Variants in C9orf85 observed in about 807,000 individuals in gnomAD.
C9orf85 encodes the protein chromosome 9 open reading frame 85.
A neutral mutation model predicts 14.9 loss-of-function variants in C9orf85; 16 were observed. The observed-to-expected ratio is 1.08, with a 90% CI of 0.73 to 1.63. The LOEUF (loss-of-function observed/expected upper bound fraction) is 1.63, where lower values mean the gene tolerates loss of function less well. Ranked by LOEUF, C9orf85 falls within the 40% of genes most tolerant of loss-of-function variation. The pLI is 0.00. For missense variants in C9orf85, 172 were observed against 186.1 expected, an observed-to-expected ratio of 0.92 and a Z score of 0.44; for synonymous variants, 45 against 56.8, an observed-to-expected ratio of 0.79 and a Z score of 0.93.
chr9:71,937,727 G>A (rs1326620927), intron 1 of C9orf85, among the ~76,000 whole-genome samples: 1 of 152,108 alleles, frequency 6.6e-6, no homozygotes, highest in African/African-American at 2.4e-5. Context: ...TTAGCTCACA[G>A]TGCAGATCTA....
intron 1 of C9orf85, among the ~76,000 whole-genome samples, chr9:71,938,128 C>T (rs930892749): frequency 6.6e-6 from 1 of 152,010 alleles, no homozygotes; most frequent in East Asian, 1.9e-4. Flanking sequence ...GAGGATAGTA[C>T]ACATGCAAAT....
chr9:71,967,983 A>G (rs1008045231), intron 2 of C9orf85, among the ~76,000 whole-genome samples: 1 of 152,050 alleles, frequency 6.6e-6, no homozygotes, highest in Non-Finnish European at 1.5e-5. Flanking sequence ...ACATCTAATA[A>G]CATCATCATA....
chr9:71,925,445 A>G (rs1378876796), intron 1 of C9orf85, among the ~76,000 whole-genome samples: 2 of 152,172 alleles, frequency 1.3e-5, no homozygotes, highest in African/African-American at 2.4e-5. Context: ...CTTTTTCCCC[A>G]AATCTCAGTA....
At chr9:71,936,770 C>CTTTTT (rs71353543) in intron 1 of C9orf85, among the ~76,000 whole-genome samples, 1 of 89,178 alleles carries the variant, frequency 1.1e-5, no homozygotes, top group African/African-American at 3.9e-5. Context: ...TTTGTTCAAG[C>CTTTTT]TTTTTTTTTT....
rs536474701 is a variant in C9orf85 at position 71,914,329 on chromosome 9, T to A, written c.102+2493T>A. Among the ~76,000 whole-genome samples, 1,175 of 142,604 alleles carry A rather than the reference T, an allele frequency of 8.2e-3. 12 individuals carry two copies. The highest frequency in any genetic ancestry group is 0.026 in the African/African-American group (950 of 36,776). The allele number at this position is 142,604 out of a possible 152,430, so 93.6% of individuals were successfully genotyped here. On this transcript the variant is annotated intron_variant, in intron 1 of 3. Transcript: ENST00000334731. ...AAAACATTATGAGATTTTTTTGTGA[T>A]TTTTTTTTTTTTAAGCTCATCAGTT...
intron 2 of C9orf85, among the ~76,000 whole-genome samples, chr9:71,949,570 T>C (rs1037595244): frequency 1.1e-4 from 16 of 152,244 alleles, no homozygotes; most frequent in African/African-American, 3.9e-4. Context: ...CCCTTGGCTC[T>C]CTAACAAAAA....
chr9:71,978,609 T>G (rs1823045455), intron 3 of C9orf85, among the ~76,000 whole-genome samples: 1 of 152,010 alleles, frequency 6.6e-6, no homozygotes, highest in South Asian at 2.1e-4. Flanking sequence ...ATCAGAATAG[T>G]GGTTATCTTT....
At chr9:71,915,147 A>T (rs1589241986) in intron 1 of C9orf85, among the ~76,000 whole-genome samples, 1 of 151,546 alleles carries the variant, frequency 6.6e-6, no homozygotes, top group South Asian at 2.1e-4. Context: ...TCCTCTGAGG[A>T]TTGCTACAGA....
At chr9:71,942,518 T>C (rs528624280) in intron 1 of C9orf85, among the ~76,000 whole-genome samples, 1 of 152,300 alleles carries the variant, frequency 6.6e-6, no homozygotes, top group South Asian at 2.1e-4. Flanking sequence ...CCCTCCTCTA[T>C]TTTTTGGTTG....
At chr9:71,972,212 C>G (rs149942477) in intron 3 of C9orf85, among the ~76,000 whole-genome samples, 3 of 151,856 alleles carry the variant, frequency 2.0e-5, no homozygotes, top group Non-Finnish European at 4.4e-5. Context: ...TTTGAGCCTA[C>G]TTTAGTGACA....
chr9:71,925,598 C>G (rs146825092), intron 1 of C9orf85, among the ~76,000 whole-genome samples: 1 of 152,248 alleles, frequency 6.6e-6, no homozygotes, highest in African/African-American at 2.4e-5. Flanking sequence ...GTTGTCCAAT[C>G]AGACTCTCTT....
At chr9:71,978,064 A>G (rs1823037089), downstream of C9orf85, among the ~76,000 whole-genome samples, 1 of 152,248 alleles carries the variant, frequency 6.6e-6, no homozygotes. Flanking sequence ...TATGGATTAA[A>G]TTTTAATAGT....
chr9:71,934,613 A>G (rs1335176093), intron 1 of C9orf85, among the ~76,000 whole-genome samples: 1 of 152,186 alleles, frequency 6.6e-6, no homozygotes, highest in Non-Finnish European at 1.5e-5. Flanking sequence ...TCACACCTGT[A>G]ATCCCAGCAC....
At chr9:71,917,740 A>T (rs1340270339) in intron 1 of C9orf85, among the ~76,000 whole-genome samples, 1 of 152,246 alleles carries the variant, frequency 6.6e-6, no homozygotes, top group Non-Finnish European at 1.5e-5. Flanking sequence ...AGAGACCAGA[A>T]AGGCACAAGA....
chr9:71,936,739 A>C (rs181352003), intron 1 of C9orf85, among the ~76,000 whole-genome samples: 1 of 151,944 alleles, frequency 6.6e-6, no homozygotes, highest in Admixed American at 6.6e-5. Context: ...GAGAAAATTA[A>C]AAATCTTCAT....
At chr9:71,984,221 A>G (rs767821621), downstream of C9orf85, 6 of 152,210 alleles carry the variant, frequency 3.9e-5, no homozygotes, top group East Asian at 5.8e-4. Flanking sequence ...CTTTTATTCC[A>G]TAGCAGACAG....
intron 1 of C9orf85, among the ~76,000 whole-genome samples, chr9:71,926,047 A>G (rs1015789949): frequency 1.3e-5 from 2 of 152,262 alleles, no homozygotes; most frequent in African/African-American, 4.8e-5. Flanking sequence ...CCTTGTGCTT[A>G]GAAGCAAAAT....
At chr9:71,922,609 G>A (rs1384686234) in intron 1 of C9orf85, among the ~76,000 whole-genome samples, 1 of 152,118 alleles carries the variant, frequency 6.6e-6, no homozygotes, top group Non-Finnish European at 1.5e-5. Context: ...AATACATGCT[G>A]TCAGACTACT....
chr9:71,933,629 A>G (rs893811088), intron 1 of C9orf85, among the ~76,000 whole-genome samples: 15 of 152,244 alleles, frequency 9.9e-5, no homozygotes, highest in African/African-American at 3.6e-4. Flanking sequence ...AACTTAACAC[A>G]TGGCCAAGGA....
Sources: allele counts gnomAD v4.1 joint callset (sites outside exome capture counted in the v4.1 genomes callset), GRCh38; gene constraint gnomAD v4.1.1; transcripts MANE v1.5; gene names NCBI Gene and HGNC (gene_info 2026-07-23, HGNC 2026-07-21).